Variants in NPM2 observed in about 807,000 individuals in gnomAD.
The protein encoded by NPM2 is nucleoplasmin-2.
Under a neutral mutation model 32.0 loss-of-function variants are expected in NPM2, and 25 were observed. The ratio of observed to expected loss-of-function variants is 0.78; its 90% CI spans 0.57 to 1.09. The LOEUF (loss-of-function observed/expected upper bound fraction) is 1.09, where lower values mean the gene tolerates loss of function less well. NPM2 is among the 50% of genes least tolerant of loss of function. The pLI is 0.00. For missense variants in NPM2, 282 were observed against 259.9 expected, an observed-to-expected ratio of 1.08 and a Z score of -0.58; for synonymous variants, 111 against 94.2, an observed-to-expected ratio of 1.18 and a Z score of -1.04.
chr8:22,025,422 T>C lies in NPM2; in HGVS notation c.59-14T>C. The C allele has an allele frequency of 6.2e-7, 1 of 1,612,880 alleles. No homozygotes were observed. The highest frequency in any genetic ancestry group is 8.5e-7 in the Non-Finnish European group (1 of 1,179,446). ...GAATGGAGGGCCCCACTTCCCTCCC[T>C]TTCTCCTCCGCAGGCTGCGAGCTCA... On this transcript the variant is annotated splice_polypyrimidine_tract_variant and intron_variant, in intron 3 of 9. Transcript: ENST00000518119.
chr8:22,033,032 T>C, intron 5 of NPM2, 98 bp from the exon 6 acceptor site: 2 of 862,504 alleles, frequency 2.3e-6, no homozygotes, highest in East Asian at 4.9e-5. Context: ...TGTGTAGGGT[T>C]TGGGGAGGGA....
chr8:22,030,723 A>C (rs1352001037), intron 5 of NPM2, among the ~76,000 whole-genome samples: 2 of 152,076 alleles, frequency 1.3e-5, no homozygotes, highest in African/African-American at 2.4e-5. Flanking sequence ...TCTGTCGCCC[A>C]GTCTGGAGTG....
Position 22,025,666 on chromosome 8 carries a change from C to T in NPM2, c.164C>T (p.Ala55Val). The T allele has an allele frequency of 6.2e-7, 1 of 1,614,132 alleles. No homozygotes were observed. Among genetic ancestry groups the T allele is most frequent in the East Asian group, 2.2e-5 (1 of 44,880 alleles). The change falls in exon 5 of 10, where the codon GCC (alanine) becomes GTC (valine). Residue 55 changes from alanine to valine, a missense_variant. Transcript: ENST00000518119. ...GCTCAGATTTGCTTGGGGGAGAAAG[C>T]CAAAGAGGAGATGCATCGCGTGGAG... Reference protein sequence around the residue: ...LLHTICLGEKAKEEMHRVEIL... With the variant: ...LLHTICLGEKVKEEMHRVEIL...
In NPM2 at chr8:22,036,700, G is replaced by C; in HGVS notation, c.*18G>C. 6.5e-7 allele frequency: 1 copy of C among 1,543,658 alleles called. No homozygotes were observed. Among genetic ancestry groups the C allele is most frequent in the Non-Finnish European group, 8.7e-7 (1 of 1,145,238 alleles). On this transcript the variant is annotated 3_prime_UTR_variant, in exon 10 of 10. Transcript: ENST00000518119. ...AGAAATGAGGAGCCACGCCTTGGGG[G>C]GCACGGTGCAAAGTGGGCCTTCCCT...
intron 5 of NPM2, among the ~76,000 whole-genome samples, chr8:22,026,698 G>A (rs1013090226): frequency 1.3e-5 from 2 of 151,984 alleles, no homozygotes; most frequent in Non-Finnish European, 2.9e-5. Flanking sequence ...CAGGTGATTC[G>A]CCCGCCTTGG....
At chr8:22,032,397 T>C (rs971870576) in intron 5 of NPM2, among the ~76,000 whole-genome samples, 3 of 152,204 alleles carry the variant, frequency 2.0e-5, no homozygotes, top group African/African-American at 7.2e-5. Context: ...CACGCTCGTG[T>C]GTAAGGTGTG....
chr8:22,033,404 T>C (rs1441772676), intron 6 of NPM2, among the ~76,000 whole-genome samples, 181 bp downstream of exon 6: 7 of 152,212 alleles, frequency 4.6e-5, no homozygotes, highest in Non-Finnish European at 7.3e-5. Context: ...TCTTCTTCTT[T>C]ACCTGCCATG....
Position 22,034,549 on chromosome 8 carries a change from C to T in NPM2, c.566+5C>T. ...AAAAGAAGAAGAGGAAATAAGGTAACTCTTTCTACCTATTAAATTAGCCAA... is the reference window on the plus strand; with the variant it reads ...AAAAGAAGAAGAGGAAATAAGGTAATTCTTTCTACCTATTAAATTAGCCAA... On this transcript the variant is annotated splice_donor_5th_base_variant and intron_variant, in intron 8 of 9. Coordinates refer to ENST00000518119, the MANE Select transcript of NPM2 (RefSeq NM_001286680.2). 5 of 1,605,742 alleles carry T rather than the reference C, an allele frequency of 3.1e-6. No individual in the cohort carries two copies. The highest frequency in any genetic ancestry group is 4.3e-6 in the Non-Finnish European group (5 of 1,173,882).
chr8:22,026,196 G>A (rs117191475), intron 5 of NPM2, among the ~76,000 whole-genome samples: 9,797 of 152,128 alleles, frequency 0.064, 488 homozygotes, highest in South Asian at 0.19. Flanking sequence ...CTTCTTATGA[G>A]AATCGAATGC....
chr8:22,025,292 C>A lies in NPM2; in HGVS notation c.44C>A (p.Thr15Lys). 1 of 1,610,282 alleles carries A rather than the reference C, an allele frequency of 6.2e-7. No homozygotes were observed. Among genetic ancestry groups the A allele is most frequent in the Non-Finnish European group, 8.5e-7 (1 of 1,178,712 alleles). Reference sequence around the variant, plus strand: ...AGTAGCACGGAGGAAAAGGCAGTGACGACCGTGCTCTGGGGTGAGTGGGGA... The same window carrying A: ...AGTAGCACGGAGGAAAAGGCAGTGAAGACCGTGCTCTGGGGTGAGTGGGGA... ...SASSTEEKAV[T>K]TVLWGCELSQ... The change falls in exon 3 of 10, where the codon ACG becomes AAG. Residue 15 changes from threonine (T) to lysine (K), a missense_variant. Coordinates refer to ENST00000518119, the MANE Select transcript of NPM2 (RefSeq NM_001286680.2).
At chr8:22,031,354 G>A (rs984890748) in intron 5 of NPM2, among the ~76,000 whole-genome samples, 1 of 152,180 alleles carries the variant, frequency 6.6e-6, no homozygotes, top group Non-Finnish European at 1.5e-5. Context: ...TATAGCCCTT[G>A]AGGGTCCTAC....
At chr8:22,034,599 T>TATA in intron 8 of NPM2, 55 bp downstream of exon 8, 3 of 1,401,104 alleles carry the variant, frequency 2.1e-6, no homozygotes, top group Non-Finnish European at 3.0e-6. Context: ...ATATACAGTG[T>TATA]TAGAAAGAAT....
intron 2 of NPM2, 158 bp from the exon 3 acceptor site, chr8:22,025,058 T>G (rs1800188359): frequency 8.5e-6 from 5 of 591,522 alleles, no homozygotes; most frequent in Non-Finnish European, 1.4e-5. Context: ...AGGTGGGTAC[T>G]CGTCCTCCAG....
chr8:22,030,887 C>CG (rs1412463391), intron 5 of NPM2, among the ~76,000 whole-genome samples: 2 of 152,122 alleles, frequency 1.3e-5, no homozygotes, highest in Non-Finnish European at 2.9e-5. Flanking sequence ...AGTTCTTGGT[C>CG]GGGCTAGTCT....
chr8:22,028,451 C>T (rs1445311172), intron 5 of NPM2, among the ~76,000 whole-genome samples: 2 of 144,868 alleles, frequency 1.4e-5, no homozygotes, highest in Admixed American at 7.0e-5. Context: ...CCTTAGTAGC[C>T]GGGACAACAG....
chr8:22,027,762 AC>A (rs1359473221), intron 5 of NPM2, among the ~76,000 whole-genome samples: 1 of 152,118 alleles, frequency 6.6e-6, no homozygotes, highest in Admixed American at 6.6e-5. Context: ...ATGTTCCACT[AC>A]GCCAGGCTAA....
In NPM2 at chr8:22,028,610, G is replaced by A. The variant is rs188771390; in HGVS notation, c.270+2838G>A. Among the ~76,000 whole-genome samples the A allele has an allele frequency of 1.4e-3, 212 of 151,810 alleles. 2 individuals carry two copies. Among genetic ancestry groups the A allele is most frequent in the Admixed American group, 2.2e-3 (33 of 15,236 alleles). On this transcript the variant is annotated intron_variant, in intron 5 of 9. Coordinates refer to ENST00000518119, the MANE Select transcript of NPM2 (RefSeq NM_001286680.2). ...CTCCCAAAGTGCTGAGATTATAGGC[G>A]TGAGCCACTATGCCCAGCCAAAAAG... is the stretch of plus-strand genomic sequence containing the variant.
At chr8:22,027,753 T>A (rs145444162) in intron 5 of NPM2, among the ~76,000 whole-genome samples, 2 of 152,234 alleles carry the variant, frequency 1.3e-5, no homozygotes, top group East Asian at 1.9e-4. Flanking sequence ...ATTACAGGCA[T>A]GTTCCACTAC....
At chr8:22,026,952 G>A (rs1387843797) in intron 5 of NPM2, among the ~76,000 whole-genome samples, 2 of 152,136 alleles carry the variant, frequency 1.3e-5, no homozygotes, top group East Asian at 3.9e-4. Flanking sequence ...GCTTTGCTTT[G>A]AAATCACTAG....
Sources: allele counts gnomAD v4.1 joint callset (sites outside exome capture counted in the v4.1 genomes callset), GRCh38; gene constraint gnomAD v4.1.1; transcripts MANE v1.5; gene names NCBI Gene and HGNC (gene_info 2026-07-23, HGNC 2026-07-21).